CYB5R4: variants seen among roughly 807,000 people sequenced by gnomAD.
CYB5R4 encodes the protein N-terminal cytochrome b5 and cytochrome b5 oxidoreductase domain-containing protein.
Under a neutral mutation model 70.2 loss-of-function variants are expected in CYB5R4, and 55 were observed. The ratio of observed to expected loss-of-function variants is 0.78; its 90% CI spans 0.63 to 0.98. The LOEUF (loss-of-function observed/expected upper bound fraction) is 0.98, where lower values mean the gene tolerates loss of function less well. CYB5R4 is among the 50% of genes least tolerant of loss of function. CYB5R4 has a pLI of 0.00. For missense variants in CYB5R4, 562 were observed against 612.6 expected (o/e 0.92, Z 0.87); for synonymous variants, 197 against 199.5 (o/e 0.99, Z 0.11).
chr6:83,921,252 G>T (rs918502322), intron 8 of CYB5R4, 77 bp downstream of exon 8: 25 of 1,230,732 alleles, frequency 2.0e-5, no homozygotes, highest in Non-Finnish European at 2.6e-5. Flanking sequence ...TACAGTCTAG[G>T]TAACTGTAAT....
chr6:83,875,960 CT>C (rs34367542), intron 2 of CYB5R4, among the ~76,000 whole-genome samples: 7 of 152,132 alleles, frequency 4.6e-5, no homozygotes, highest in Admixed American at 4.6e-4. Context: ...GTCCCAGCCT[CT>C]TTTTCCTAGC....
chr6:83,914,054 TAATA>T (rs1166515163), intron 4 of CYB5R4, among the ~76,000 whole-genome samples: 3 of 152,030 alleles, frequency 2.0e-5, no homozygotes, highest in African/African-American at 7.2e-5. Flanking sequence ...AAGTATAATC[TAATA>T]AATTCTGGTT....
intron 3 of CYB5R4, among the ~76,000 whole-genome samples, chr6:83,899,501 C>T (rs1261480096): frequency 2.6e-5 from 4 of 152,080 alleles, no homozygotes; most frequent in African/African-American, 4.8e-5. Flanking sequence ...GGGAGGATTC[C>T]CTCTTTTTCT....
At chr6:83,919,760 CTGTGTGTGTGTGTGTGTG>C (rs58002492) in intron 7 of CYB5R4, among the ~76,000 whole-genome samples, 18 of 142,084 alleles carry the variant, frequency 1.3e-4, no homozygotes, top group South Asian at 4.6e-4. Context: ...ATGTGTTTTT[CTGTGTGTGTGTGTGTGTG>C]TGTGTGTGTG....
Position 83,862,119 on chromosome 6 carries a change from A to G in CYB5R4, c.76-2056A>G, listed in dbSNP as rs61761478. On this transcript the variant is annotated intron_variant, in intron 1 of 15. Coordinates refer to ENST00000369681, the MANE Select transcript of CYB5R4 (RefSeq NM_016230.4). ...GATGTAAATGAGAATAACAGTACCC[A>G]TTTTATAGGATTGTTCATAGGATTC... Among the ~76,000 whole-genome samples, 486 of 152,314 alleles carry G rather than the reference A, an allele frequency of 3.2e-3. 3 individuals carry two copies. The highest frequency in any genetic ancestry group is 0.011 in the African/African-American group (468 of 41,570).
chr6:83,900,874 A>G (rs1292054992), intron 3 of CYB5R4, among the ~76,000 whole-genome samples: 1 of 152,002 alleles, frequency 6.6e-6, no homozygotes, highest in Non-Finnish European at 1.5e-5. Flanking sequence ...TGCACGTGAG[A>G]TGGGTTTCCT....
chr6:83,926,024 G>T (rs932203726), intron 10 of CYB5R4, among the ~76,000 whole-genome samples: 1 of 152,096 alleles, frequency 6.6e-6, no homozygotes, highest in Middle Eastern at 3.2e-3. Context: ...TCTTCTCACT[G>T]TATAACTTCT....
intron 3 of CYB5R4, among the ~76,000 whole-genome samples, chr6:83,899,915 A>G (rs1191972197): frequency 1.3e-5 from 2 of 152,112 alleles, no homozygotes; most frequent in Admixed American, 1.3e-4. Flanking sequence ...TCAAAAAACC[A>G]GCTCCTGGAT....
At chr6:83,917,904 C>T (rs2099465766) in intron 5 of CYB5R4, 101 bp from the exon 6 acceptor site, 1 of 883,280 alleles carries the variant, frequency 1.1e-6, no homozygotes, top group Non-Finnish European at 1.8e-6. Flanking sequence ...TGATTTGTAT[C>T]CTTTTATGAA....
At chr6:83,908,773 GA>G in intron 3 of CYB5R4, among the ~76,000 whole-genome samples, 2 of 152,232 alleles carry the variant, frequency 1.3e-5, no homozygotes, top group South Asian at 4.1e-4. Context: ...ACCTCATGGA[GA>G]CCTGAAAGGG....
intron 2 of CYB5R4, among the ~76,000 whole-genome samples, chr6:83,879,585 A>G (rs140874900): frequency 6.6e-6 from 1 of 152,206 alleles, no homozygotes; most frequent in African/African-American, 2.4e-5. Flanking sequence ...GCAGTAGCTC[A>G]TTAACACCTT....
At chr6:83,872,610 G>A (rs926893244) in intron 2 of CYB5R4, among the ~76,000 whole-genome samples, 21 of 152,260 alleles carry the variant, frequency 1.4e-4, no homozygotes, top group Non-Finnish European at 2.8e-4. Context: ...TGAGATCACT[G>A]TGTTTTAGGA....
chr6:83,943,525 G>T (rs2099470091), intron 14 of CYB5R4, among the ~76,000 whole-genome samples: 1 of 152,044 alleles, frequency 6.6e-6, no homozygotes, highest in South Asian at 2.1e-4. Flanking sequence ...TATGCAAAAA[G>T]GCTGAAAATG....
At chr6:83,879,343 C>T (rs1267467556) in intron 2 of CYB5R4, among the ~76,000 whole-genome samples, 3 of 152,104 alleles carry the variant, frequency 2.0e-5, no homozygotes, top group Non-Finnish European at 4.4e-5. Flanking sequence ...CACACCGAAT[C>T]TGGGTCTGAG....
chr6:83,918,861 A>T (rs186671485), intron 6 of CYB5R4, among the ~76,000 whole-genome samples: 161 of 152,096 alleles, frequency 1.1e-3, no homozygotes, highest in African/African-American at 3.5e-3. Context: ...GGGACTAAGG[A>T]TGCCCTCTGT....
At chr6:83,891,689 AG>A (rs1242120565) in intron 2 of CYB5R4, among the ~76,000 whole-genome samples, 6 of 152,204 alleles carry the variant, frequency 3.9e-5, no homozygotes, top group African/African-American at 1.4e-4. Flanking sequence ...TCGTCTGGAA[AG>A]CATGGGATAC....
At chr6:83,867,054 A>T (rs1379115547) in intron 2 of CYB5R4, among the ~76,000 whole-genome samples, 1 of 152,216 alleles carries the variant, frequency 6.6e-6, no homozygotes, top group East Asian at 1.9e-4. Flanking sequence ...TTTATCAAGA[A>T]ATACTCAGTT....
rs914125749 is a variant in CYB5R4 at position 83,962,460 on chromosome 6, C to G, written c.*2582C>G. 3 of 152,324 alleles carry G rather than the reference C, an allele frequency of 2.0e-5. No homozygotes were observed. In the East Asian group the frequency reaches 5.8e-4, roughly 29 times the overall value. 9.4% of individuals were successfully genotyped at this position (152,324 alleles called of 1,614,324 possible). A position where few individuals can be genotyped will look rare whatever the true frequency, so the allele number is the denominator to read the frequency against. ...ATTTGCAGTGAAGAAGAATTACGCTCAAAGTCACATTTGCTTGCAAATTCT... is the reference window on the plus strand; with the variant it reads ...ATTTGCAGTGAAGAAGAATTACGCTGAAAGTCACATTTGCTTGCAAATTCT... On this transcript the variant is annotated 3_prime_UTR_variant, in exon 16 of 16. Transcript: ENST00000369681.
chr6:83,902,071 G>T (rs1387208309), intron 3 of CYB5R4, among the ~76,000 whole-genome samples: 1 of 151,994 alleles, frequency 6.6e-6, no homozygotes, highest in Non-Finnish European at 1.5e-5. Context: ...TGCTTTTGAG[G>T]TCTTAACCAT....
Sources: gnomAD v4.1 joint callset for allele counts (sites outside exome capture counted in the v4.1 genomes callset) on GRCh38, gnomAD v4.1.1 for gene constraint, MANE v1.5 for transcripts, NCBI Gene and HGNC (gene_info 2026-07-23, HGNC 2026-07-21) for gene names.